LPCAT2: variants seen among roughly 807,000 people sequenced by gnomAD.
LPCAT2 encodes the protein 1-AGP acyltransferase 11.
In LPCAT2, 58 loss-of-function variants were observed where a neutral mutation model predicts 64.7. The ratio of observed to expected loss-of-function variants is 0.90; its 90% CI spans 0.73 to 1.12. The LOEUF is 1.12. Among genes scored for constraint, LPCAT2 ranks in the 50% most tolerant of loss-of-function variants. The pLI, the probability that LPCAT2 is intolerant of heterozygous loss-of-function variation, is 0.00. For synonymous variants in LPCAT2, 252 were observed against 245.3 expected, an observed-to-expected ratio of 1.03 and a Z score of -0.26; for missense variants, 579 against 669.8, an observed-to-expected ratio of 0.86 and a Z score of 1.50.
intron 11 of LPCAT2, among the ~76,000 whole-genome samples, chr16:55,572,803 G>C (rs900680487): frequency 6.6e-6 from 1 of 152,060 alleles, no homozygotes; most frequent in Non-Finnish European, 1.5e-5. Flanking sequence ...ACTGCACTCC[G>C]GCCTGGGCAA....
chr16:55,567,705 A>G (rs1211851265), intron 11 of LPCAT2: 7 of 566,652 alleles, frequency 1.2e-5, no homozygotes, highest in Admixed American at 3.5e-5. Context: ...AGTGGTTTGT[A>G]TATCAGCTTT....
intron 11 of LPCAT2, among the ~76,000 whole-genome samples, chr16:55,553,520 C>T (rs1963541950): frequency 6.6e-6 from 1 of 152,192 alleles, no homozygotes; most frequent in Non-Finnish European, 1.5e-5. Flanking sequence ...GTCACATCTT[C>T]AGCCTCCATT....
chr16:55,566,933 A>T, intron 11 of LPCAT2: 1 of 1,613,808 alleles, frequency 6.2e-7, no homozygotes, highest in African/African-American at 1.3e-5. Context: ...ATACTCCAGA[A>T]CCGCCTCCCA....
chr16:55,520,297 G>A (rs1963076704), intron 1 of LPCAT2, among the ~76,000 whole-genome samples: 1 of 152,002 alleles, frequency 6.6e-6, no homozygotes, highest in African/African-American at 2.4e-5. Context: ...ATATAAAGAG[G>A]AACATTTCTT....
chr16:55,513,822 A>G (rs550126501), intron 1 of LPCAT2, among the ~76,000 whole-genome samples: 2 of 152,278 alleles, frequency 1.3e-5, no homozygotes, highest in South Asian at 4.1e-4. Flanking sequence ...GCTGCCTGGA[A>G]TGCCTCATTG....
At chr16:55,524,183 T>C (rs184909428) in intron 1 of LPCAT2, among the ~76,000 whole-genome samples, 13 of 151,944 alleles carry the variant, frequency 8.6e-5, no homozygotes, top group Non-Finnish European at 1.9e-4. Context: ...ACCCAAATGT[T>C]CATCAGTAGG....
In LPCAT2 at chr16:55,509,389, G is replaced by A. The variant is rs543196548; in HGVS notation, c.171+37G>A. 9.8e-5 allele frequency: 133 copies of A among 1,350,756 alleles called. No homozygotes were observed. The African/African-American group carries it at 1.8e-3, about 18-fold the overall frequency. The allele number at this position is 1,350,756 out of a possible 1,614,324, so 83.7% of individuals were successfully genotyped here. A position where few individuals can be genotyped will look rare whatever the true frequency, so the allele number is the denominator to read the frequency against. Reference sequence around the variant, plus strand: ...GGGTCTGAGGGGAGAGGTGGTCTGAGGGGGGCCTAGGTCAGAGGGGGGTCC... The same window carrying A: ...GGGTCTGAGGGGAGAGGTGGTCTGAAGGGGGCCTAGGTCAGAGGGGGGTCC... On this transcript the variant is annotated intron_variant, in intron 1 of 13. Transcript: ENST00000262134.
chr16:55,534,525 G>A, intron 7 of LPCAT2, 48 bp downstream of exon 7: 1 of 876,614 alleles, frequency 1.1e-6, no homozygotes. Flanking sequence ...TTATTTTAGT[G>A]AAGAAAAAGA....
chr16:55,541,602 G>T, intron 8 of LPCAT2: 1 of 187,738 alleles, frequency 5.3e-6, no homozygotes, highest in Non-Finnish European at 1.1e-5. Flanking sequence ...TCTGGAATTT[G>T]TGAATACTAA....
In LPCAT2 at chr16:55,542,199, C is replaced by T. The variant is rs113472671; in HGVS notation, c.853-3536C>T. Among the ~76,000 whole-genome samples the T allele has an allele frequency of 5.0e-3, 759 of 152,178 alleles. 4 individuals carry two copies. Among genetic ancestry groups the T allele is most frequent in the South Asian group, 7.5e-3 (36 of 4,820 alleles). ...AAGAATTTTATATATTGCTTGTATG[C>T]TAAGGACCAAGAGGAAGTGGGGGAC... On this transcript the variant is annotated intron_variant, in intron 8 of 13. Coordinates refer to ENST00000262134, the MANE Select transcript of LPCAT2 (RefSeq NM_017839.5).
chr16:55,537,246 C>T (rs1317588151), intron 7 of LPCAT2, among the ~76,000 whole-genome samples: 1 of 152,032 alleles, frequency 6.6e-6, no homozygotes, highest in African/African-American at 2.4e-5. Flanking sequence ...CTTGTCTAAG[C>T]CGGGCACAGT....
At chr16:55,532,749 A>G in intron 5 of LPCAT2, 75 bp from the exon 6 acceptor site, 2 of 938,576 alleles carry the variant, frequency 2.1e-6, no homozygotes, top group Non-Finnish European at 3.4e-6. Flanking sequence ...TATTTATACT[A>G]TTTATTAATT....
rs540528434 is a variant in LPCAT2 at position 55,550,681 on chromosome 16, C to T, written c.1062-268C>T. Among the ~76,000 whole-genome samples the T allele has an allele frequency of 8.5e-5, 13 of 152,150 alleles. No individual in the cohort carries two copies. The South Asian group carries it at 2.7e-3, about 32-fold the overall frequency. ...CTATAATCCCAACACCTTGGGAGGC[C>T]GAGGCAGGCGGATCACGAGGTCAAT... is the stretch of plus-strand genomic sequence containing the variant. On this transcript the variant is annotated intron_variant, in intron 10 of 13. Coordinates refer to ENST00000262134, the MANE Select transcript of LPCAT2 (RefSeq NM_017839.5).
chr16:55,583,395 C>A lies in LPCAT2; in HGVS notation c.*297C>A. 4.1e-6 allele frequency: 1 copy of A among 244,968 alleles called. No individual in the cohort carries two copies. Among genetic ancestry groups the A allele is most frequent in the Non-Finnish European group, 8.0e-6 (1 of 124,546 alleles). 15.2% of individuals were successfully genotyped at this position (244,968 alleles called of 1,614,324 possible). A position where few individuals can be genotyped will look rare whatever the true frequency, so the allele number is the denominator to read the frequency against. ...TGCATATACAAATGAATGCAATGGTCTATTGGTGAGCATTGAGCAACACTG... is the reference window on the plus strand; with the variant it reads ...TGCATATACAAATGAATGCAATGGTATATTGGTGAGCATTGAGCAACACTG... On this transcript the variant is annotated 3_prime_UTR_variant, in exon 14 of 14. Coordinates refer to ENST00000262134, the MANE Select transcript of LPCAT2 (RefSeq NM_017839.5).
intron 11 of LPCAT2, among the ~76,000 whole-genome samples, chr16:55,572,268 T>G (rs1963778438): frequency 6.6e-6 from 1 of 152,178 alleles, no homozygotes; most frequent in Non-Finnish European, 1.5e-5. Context: ...GGTTTGGTAG[T>G]ATAGATAAAA....
At chr16:55,534,885 G>A (rs1390695119) in intron 7 of LPCAT2, among the ~76,000 whole-genome samples, 1 of 152,126 alleles carries the variant, frequency 6.6e-6, no homozygotes, top group Non-Finnish European at 1.5e-5. Flanking sequence ...CATATGGCCT[G>A]AAATAGCTAT....
rs1426106796 is a variant in LPCAT2, at chr16:55,584,356, G to A, written c.*1258G>A. On this transcript the variant is annotated 3_prime_UTR_variant, in exon 14 of 14. Transcript: ENST00000262134. ...GGTTTCAAGGTATCACCCAAAGCTA[G>A]GGAATCAACAAACGTACTTTATTAA... The A allele has an allele frequency of 6.6e-6, 1 of 152,142 alleles. No homozygotes were observed. Among genetic ancestry groups the A allele is most frequent in the Non-Finnish European group, 1.5e-5 (1 of 68,028 alleles). The allele number at this position is 152,142 out of a possible 1,614,324, so 9.4% of individuals were successfully genotyped here. A position where few individuals can be genotyped will look rare whatever the true frequency, so the allele number is the denominator to read the frequency against.
chr16:55,532,771 A>G, intron 5 of LPCAT2, 53 bp from the exon 6 acceptor site: 3 of 1,230,066 alleles, frequency 2.4e-6, no homozygotes, highest in Non-Finnish European at 2.4e-6. Flanking sequence ...TCTCTTTATC[A>G]TAAAACTTTT....
At chr16:55,541,883 AT>A (rs1295631771) in intron 8 of LPCAT2, 2 of 1,287,730 alleles carry the variant, frequency 1.6e-6, no homozygotes, top group South Asian at 1.2e-5. Context: ...TTGTTTAAAA[AT>A]ATCTTCCTTC....
Sources: allele counts gnomAD v4.1 joint callset (sites outside exome capture counted in the v4.1 genomes callset), GRCh38; gene constraint gnomAD v4.1.1; transcripts MANE v1.5; gene names NCBI Gene and HGNC (gene_info 2026-07-23, HGNC 2026-07-21).